BRCA1: variants seen among roughly 807,000 people sequenced by gnomAD.
The protein encoded by BRCA1 is breast cancer type 1 susceptibility protein.
In BRCA1, 140 loss-of-function variants were observed where a neutral mutation model predicts 173.7. The ratio of observed to expected loss-of-function variants is 0.81; its 90% CI spans 0.70 to 0.93. BRCA1 has a LOEUF of 0.93. Among genes scored for constraint, BRCA1 ranks in the 40% least tolerant of loss-of-function variants. BRCA1 has a pLI of 0.00. For missense variants in BRCA1, 1,983 were observed against 2,172.5 expected (o/e 0.91, Z 1.73); for synonymous variants, 662 against 756.0 (o/e 0.88, Z 2.04).
chr17:43,067,727 A>G, intron 15 of BRCA1, 32 bp from the exon 16 acceptor site: 1 of 1,530,086 alleles, frequency 6.5e-7, no homozygotes, highest in Non-Finnish European at 9.1e-7. Flanking sequence ...CATTATCATG[A>G]GTTACCTCTA....
intron 20 of BRCA1, among the ~76,000 whole-genome samples, chr17:43,050,568 G>A (rs983663531): frequency 2.0e-5 from 3 of 149,756 alleles, no homozygotes; most frequent in East Asian, 2.0e-4. Context: ...AGCCGAGATC[G>A]CGCCATTGCA....
At chr17:43,073,827 T>C (rs1378019055) in intron 14 of BRCA1, among the ~76,000 whole-genome samples, 1 of 152,082 alleles carries the variant, frequency 6.6e-6, no homozygotes, top group Non-Finnish European at 1.5e-5. Context: ...TGATCTTGGC[T>C]CACCGCAACC....
At chr17:43,120,929 T>C (rs1269468972) in intron 2 of BRCA1, among the ~76,000 whole-genome samples, 1 of 150,942 alleles carries the variant, frequency 6.6e-6, no homozygotes, top group Non-Finnish European at 1.5e-5. Flanking sequence ...CCGGCCACGG[T>C]GGCGTGCGCC....
rs1597804604 is a variant in BRCA1, at chr17:43,051,136, A to T, written c.5278-19T>A. On this transcript the variant is annotated intron_variant, in intron 19 of 22. Coordinates refer to ENST00000357654, the MANE Select transcript of BRCA1 (RefSeq NM_007294.4). ...TGAAGATCTGGAAGAAGAGAGGAAG[A>T]GAGAGGGACAGGGGAATGGAGAGAA... 2 of 1,608,940 alleles carry T rather than the reference A, an allele frequency of 1.2e-6. No homozygotes were observed. The highest frequency in any genetic ancestry group is 1.7e-6 in the Non-Finnish European group (2 of 1,175,306).
chr17:43,069,610 G>C (rs1423805779), intron 15 of BRCA1, among the ~76,000 whole-genome samples: 4 of 152,168 alleles, frequency 2.6e-5, no homozygotes, highest in African/African-American at 9.7e-5. Context: ...AGAGCTTTCA[G>C]AGCAAATTGC....
Position 43,092,779 on chromosome 17 carries a change from T to G in BRCA1, c.2752A>C (p.Lys918Gln), listed in dbSNP as rs397509010. Reference protein sequence around the residue: ...ENQGKNESNIKPVQTVNITAG... With the variant: ...ENQGKNESNIQPVQTVNITAG... ...GTGATATTAACTGTCTGTACAGGCTTGATATTAGACTCATTCTTTCCTTGA... is the reference window on the plus strand; with the variant it reads ...GTGATATTAACTGTCTGTACAGGCTGGATATTAGACTCATTCTTTCCTTGA... Residue 918 changes from lysine (K) to glutamine (Q), a missense_variant, in exon 10 of 23, where the codon AAG becomes CAG. Transcript: ENST00000357654. 4.3e-6 allele frequency: 7 copies of G among 1,614,044 alleles called. No individual in the cohort carries two copies. Among genetic ancestry groups the G allele is most frequent in the Non-Finnish European group, 5.9e-6 (7 of 1,179,970 alleles).
intron 9 of BRCA1, 41 bp downstream of exon 9, chr17:43,095,805 C>G (rs2054105782): frequency 6.6e-7 from 1 of 1,513,026 alleles, no homozygotes; most frequent in Non-Finnish European, 9.2e-7. Flanking sequence ...TCTACCCACT[C>G]TCTTTTCAGT....
intron 16 of BRCA1, among the ~76,000 whole-genome samples, chr17:43,064,659 G>C (rs1195488790): frequency 1.3e-5 from 2 of 152,140 alleles, no homozygotes; most frequent in Non-Finnish European, 2.9e-5. Context: ...AGCAGCAGCA[G>C]CCATGCTCCC....
In BRCA1 at chr17:43,100,673, TA is replaced by T. The variant is rs1259320881; in HGVS notation, c.442-794del. ...TATATATAACATATATATATATATA[TA>T]TATAATATATATATATATATATATA... On this transcript the variant is annotated intron_variant, in intron 6 of 22. Coordinates refer to ENST00000357654, the MANE Select transcript of BRCA1 (RefSeq NM_007294.4). Among the ~76,000 whole-genome samples, 32 of 16,334 alleles carry T rather than the reference TA, an allele frequency of 2.0e-3. 1 individual carries two copies. The highest frequency in any genetic ancestry group is 9.6e-3 in the South Asian group (4 of 416). 10.7% of individuals were successfully genotyped at this position (16,334 alleles called of 152,430 possible).
chr17:43,157,840 A>G (rs572085130), intron 1 of BRCA1, among the ~76,000 whole-genome samples: 1 of 152,184 alleles, frequency 6.6e-6, no homozygotes, highest in East Asian at 1.9e-4. Flanking sequence ...CTACTAAGAA[A>G]TACAAAATTA....
chr17:43,126,174 T>C (rs1447805607), upstream of BRCA1, among the ~76,000 whole-genome samples: 2 of 152,238 alleles, frequency 1.3e-5, no homozygotes, highest in African/African-American at 2.4e-5. Flanking sequence ...CTCTGGCCCA[T>C]GTCTGCGCAC....
At chr17:43,111,576 C>T (rs764443206) in intron 3 of BRCA1, among the ~76,000 whole-genome samples, 4 of 150,394 alleles carry the variant, frequency 2.7e-5, no homozygotes, top group African/African-American at 4.9e-5. Context: ...AATCCCAGAA[C>T]TTAGGGAGGC....
rs2154148123 is a variant in BRCA1, at chr17:43,082,441, C to T, written c.4320G>A (p.Glu1440=). 1 of 1,614,118 alleles carries T rather than the reference C, an allele frequency of 6.2e-7. No homozygotes were observed. ...PSIISDSSAL[E]DLRNPEQSTS... is the part of the protein sequence containing the mutation. ...TGCTTTGTTCTGGATTTCGCAGGTC[C>T]TCAAGGGCAGAAGAGTCACTTATGA... The change falls in exon 12 of 23, where the codon GAG becomes GAA. Residue 1440 remains glutamate (E), a synonymous_variant. Coordinates refer to ENST00000357654, the MANE Select transcript of BRCA1 (RefSeq NM_007294.4).
chr17:43,144,206 G>C (rs2056101403), intron 1 of BRCA1: 1 of 326,728 alleles, frequency 3.1e-6, no homozygotes, highest in Non-Finnish European at 6.3e-6. Flanking sequence ...CTGGGTGACA[G>C]AGCGAGACTC....
Position 43,092,191 on chromosome 17 carries a change from C to T in BRCA1, c.3340G>A (p.Glu1114Lys), listed in dbSNP as rs80357278. The T allele has an allele frequency of 6.2e-7, 1 of 1,613,174 alleles. No homozygotes were observed. The highest frequency in any genetic ancestry group is 2.2e-5 in the East Asian group (1 of 44,878). The change falls in exon 10 of 23, where the codon GAA becomes AAA. Residue 1114 changes from glutamate to lysine, a missense_variant. Physicochemically the swap from Glu to Lys is moderately conservative, Grantham distance 56. Transcript: ENST00000357654. ...KHPEIKKQEY[E>K]EVVQTVNTDF... ...GTATTAACAGTCTGAACTACTTCTTCATATTCTTGCTTTTTTATTTCAGGA... is the reference window on the plus strand; with the variant it reads ...GTATTAACAGTCTGAACTACTTCTTTATATTCTTGCTTTTTTATTTCAGGA...
At chr17:43,085,384 C>A (rs1448343554) in intron 11 of BRCA1, among the ~76,000 whole-genome samples, 3 of 151,840 alleles carry the variant, frequency 2.0e-5, no homozygotes, top group Admixed American at 6.6e-5. Context: ...AAGAAAAAAA[C>A]CCTTAGTGGT....
At position 43,091,683 on chromosome 17, in the gene BRCA1, T is replaced by C. The variant is rs80357047; in HGVS notation, c.3848A>G (p.His1283Arg). The C allele has an allele frequency of 1.4e-5, 23 of 1,614,126 alleles. No homozygotes were observed. Among genetic ancestry groups the C allele is most frequent in the Admixed American group, 3.3e-5 (2 of 60,006 alleles). The change falls in exon 10 of 23, where the codon CAT becomes CGT. Residue 1283 changes from histidine to arginine, a missense_variant. By Grantham distance (29) the His-to-Arg change is conservative. Transcript: ENST00000357654. ...ACATTTTGTTTCCTCACTAAGGTGA[T>C]GTTCCTGAGATGCCTTTGCCAATAT... ...QVILAKASQE[H>R]HLSEETKCSA...
intron 1 of BRCA1, chr17:43,164,556 TAATAG>T (rs1293856800): frequency 6.6e-6 from 1 of 152,002 alleles, no homozygotes; most frequent in African/African-American, 2.4e-5. Flanking sequence ...GAAAGAAGAG[TAATAG>T]AATAGATGAA....
At chr17:43,046,103 G>C (rs1010883673) in intron 22 of BRCA1, among the ~76,000 whole-genome samples, 1 of 151,210 alleles carries the variant, frequency 6.6e-6, no homozygotes, top group African/African-American at 2.4e-5. Context: ...TGTATTTTTA[G>C]TAGAGACGGG....
Sources: gnomAD v4.1 joint callset for allele counts (sites outside exome capture counted in the v4.1 genomes callset) on GRCh38, gnomAD v4.1.1 for gene constraint, MANE v1.5 for transcripts, NCBI Gene and HGNC (gene_info 2026-07-23, HGNC 2026-07-21) for gene names.